Variants in VAV2 observed in about 807,000 individuals in gnomAD.
The protein encoded by VAV2 is guanine nucleotide exchange factor VAV2.
In VAV2, 67 loss-of-function variants were observed where a neutral mutation model predicts 132.5. That is an observed-to-expected ratio of 0.51 (90% confidence interval 0.42 to 0.62). The LOEUF is 0.62. VAV2 is among the 20% of genes least tolerant of loss of function. The probability of loss-of-function intolerance (pLI) is 0.00; values close to 1 mark genes in which losing one functional copy is unlikely to be tolerated. For missense variants in VAV2, 938 were observed against 1,153.6 expected, an observed-to-expected ratio of 0.81 and a Z score of 2.71; for synonymous variants, 492 against 443.5, an observed-to-expected ratio of 1.11 and a Z score of -1.37.
intron 2 of VAV2, among the ~76,000 whole-genome samples, chr9:133,911,423 T>C (rs753220096): frequency 1.5e-4 from 23 of 152,306 alleles, no homozygotes; most frequent in Non-Finnish European, 2.1e-4. Context: ...AGACCTGTAT[T>C]AAATTTACCA....
At chr9:133,814,323 G>C (rs1007038268) in intron 4 of VAV2, among the ~76,000 whole-genome samples, 1 of 152,358 alleles carries the variant, frequency 6.6e-6, no homozygotes, top group East Asian at 1.9e-4. Context: ...CTGCCCGCCA[G>C]GCTACCAGGG....
chr9:133,855,079 G>C (rs1017358505), intron 3 of VAV2, among the ~76,000 whole-genome samples: 1 of 152,220 alleles, frequency 6.6e-6, no homozygotes, highest in Admixed American at 6.5e-5. Context: ...AGCCCGGATG[G>C]AAGAGAGTGG....
At chr9:133,815,083 T>C (rs780608138) in intron 4 of VAV2, among the ~76,000 whole-genome samples, 1 of 151,894 alleles carries the variant, frequency 6.6e-6, no homozygotes. Context: ...AGGGAGAGAA[T>C]AGGGAAGGCT....
In VAV2 at chr9:133,789,361, G is replaced by T. The variant is rs1325082598; in HGVS notation, c.1189-18C>A. The T allele has an allele frequency of 3.1e-6, 5 of 1,613,458 alleles. No homozygotes were observed. Among genetic ancestry groups the T allele is most frequent in the Non-Finnish European group, 4.2e-6 (5 of 1,179,646 alleles). On this transcript the variant is annotated intron_variant, in intron 13 of 29. Coordinates refer to ENST00000371850, the MANE Select transcript of VAV2 (RefSeq NM_001134398.2). ...TTCACTTGCTGGGAAGAAGGAGAGG[G>T]GCCGTCAGCCGGGGCTGGAGCAGCC...
At chr9:133,987,769 C>T (rs2789864) in intron 1 of VAV2, among the ~76,000 whole-genome samples, 86,312 of 152,096 alleles carry the variant, frequency 0.57, 25,142 homozygotes, top group East Asian at 0.84. Flanking sequence ...GCTCCAGACA[C>T]ACCCGATTTC....
intron 1 of VAV2, among the ~76,000 whole-genome samples, chr9:133,955,803 CACTCCT>C (rs915999725): frequency 4.2e-5 from 2 of 47,700 alleles, no homozygotes; most frequent in African/African-American, 1.1e-4. Context: ...ACTCCACTCC[CACTCCT>C]ACTCCTCCCC....
At chr9:133,873,386 C>T (rs912318688) in intron 2 of VAV2, among the ~76,000 whole-genome samples, 2 of 152,154 alleles carry the variant, frequency 1.3e-5, no homozygotes, top group Non-Finnish European at 2.9e-5. Flanking sequence ...TGGCAAAGGG[C>T]GTCCTGCCAC....
intron 7 of VAV2, among the ~76,000 whole-genome samples, chr9:133,808,700 C>A (rs917948574): frequency 6.6e-6 from 1 of 152,096 alleles, no homozygotes; most frequent in Non-Finnish European, 1.5e-5. Flanking sequence ...GGCTGGGGAG[C>A]AGCTCTAGGT....
intron 2 of VAV2, among the ~76,000 whole-genome samples, chr9:133,917,441 C>CTTTTT (rs56141918): frequency 1.5e-5 from 2 of 132,610 alleles, no homozygotes; most frequent in African/African-American, 3.3e-5. Flanking sequence ...AAAACTCTTT[C>CTTTTT]TTTTTTTTTT....
At chr9:133,865,615 CTCT>C (rs1837766646) in intron 2 of VAV2, among the ~76,000 whole-genome samples, 2 of 152,064 alleles carry the variant, frequency 1.3e-5, no homozygotes, top group South Asian at 2.1e-4. Context: ...TCATCATTTT[CTCT>C]TCTTTTCTTT....
rs1280842175 is a variant in VAV2 at position 133,768,116 on chromosome 9, C to T, written c.2589+326G>A. On this transcript the variant is annotated intron_variant, in intron 29 of 29. Coordinates refer to ENST00000371850, the MANE Select transcript of VAV2 (RefSeq NM_001134398.2). This position sits in a 1 kb window ranked among gnomAD's most constrained non-coding sequence, Gnocchi z 5.3. ...CCCGCAAACAGAGCTTGGGGACTTG[C>T]AAGTAATTTGGCGAGTGCAGCTATG... is the stretch of plus-strand genomic sequence containing the variant. Among the ~76,000 whole-genome samples the T allele has an allele frequency of 1.3e-5, 2 of 152,072 alleles. No homozygotes were observed. The highest frequency in any genetic ancestry group is 2.4e-5 in the African/African-American group (1 of 41,362).
chr9:133,805,457 C>T (rs901936376), intron 9 of VAV2, among the ~76,000 whole-genome samples: 30 of 152,288 alleles, frequency 2.0e-4, no homozygotes, highest in African/African-American at 7.2e-4. Flanking sequence ...ACGCCATCTC[C>T]CCAGCCTCTG....
chr9:133,964,030 T>TATATATATATATATATACATATATATAC (rs1842052401), intron 1 of VAV2, among the ~76,000 whole-genome samples: 26 of 80,906 alleles, frequency 3.2e-4, no homozygotes, highest in South Asian at 5.6e-4. Flanking sequence ...TTCATATATA[T>TATATATATATATATATACATATATATAC]ATATATATAT....
chr9:133,789,175 G>T, intron 14 of VAV2, 83 bp downstream of exon 14: 1 of 1,471,580 alleles, frequency 6.8e-7, no homozygotes, highest in Non-Finnish European at 9.3e-7. Context: ...CTGGCTTCCA[G>T]AGCCACTTAG....
At chr9:133,772,189 A>G in intron 25 of VAV2, 143 bp from the exon 26 acceptor site, 1 of 552,450 alleles carries the variant, frequency 1.8e-6, no homozygotes, top group South Asian at 2.4e-5. Context: ...GCCCTGTCCT[A>G]CCCCAGCCCT....
In VAV2 at chr9:133,791,884, G is replaced by A. The variant is rs1347943412; in HGVS notation, c.1102-15C>T. The A allele has an allele frequency of 6.2e-7, 1 of 1,611,456 alleles. No homozygotes were observed. Among genetic ancestry groups the A allele is most frequent in the Admixed American group, 1.7e-5 (1 of 60,028 alleles). ...ATCGCCAAGTCCTTGAAAACAAGAG[G>A]CAGAGGTGAGCGGGCTGTGCTGGGT... On this transcript the variant is annotated splice_polypyrimidine_tract_variant and intron_variant, in intron 12 of 29. Coordinates refer to ENST00000371850, the MANE Select transcript of VAV2 (RefSeq NM_001134398.2).
intron 2 of VAV2, among the ~76,000 whole-genome samples, chr9:133,909,766 A>G: frequency 6.6e-6 from 1 of 152,184 alleles, no homozygotes; most frequent in East Asian, 1.9e-4. Flanking sequence ...CTATTTGGAA[A>G]CTGCGCCTGA....
At chr9:133,772,870 T>C (rs1833679690) in intron 25 of VAV2, among the ~76,000 whole-genome samples, 1 of 151,606 alleles carries the variant, frequency 6.6e-6, no homozygotes, top group Non-Finnish European at 1.5e-5. Context: ...ACACCTAGGC[T>C]GGACAGCAGA....
rs1834299900 is a variant in VAV2, at chr9:133,788,024, GGTTGAAA to G, written c.1407+323_1407+329del. Reference sequence around the variant, plus strand: ...TCAGGCTGGCCAGATGGAAAGCCAAGGTTGAAAGTCCCACCCTCACTAGAGGCCTTGG... The same window carrying G: ...TCAGGCTGGCCAGATGGAAAGCCAAGGTCCCACCCTCACTAGAGGCCTTGG... On this transcript the variant is annotated intron_variant, in intron 15 of 29. Coordinates refer to ENST00000371850, the MANE Select transcript of VAV2 (RefSeq NM_001134398.2). This position sits in a 1 kb window ranked among gnomAD's most constrained non-coding sequence, Gnocchi z 5.3. Among the ~76,000 whole-genome samples, 1 of 152,250 alleles carries G rather than the reference GGTTGAAA, an allele frequency of 6.6e-6. No individual in the cohort carries two copies. Among genetic ancestry groups the G allele is most frequent in the Non-Finnish European group, 1.5e-5 (1 of 68,038 alleles).
Sources: allele counts gnomAD v4.1 joint callset (sites outside exome capture counted in the v4.1 genomes callset), GRCh38; gene constraint gnomAD v4.1.1; non-coding constraint Gnocchi (gnomAD v3.1); transcripts MANE v1.5; gene names NCBI Gene and HGNC (gene_info 2026-07-23, HGNC 2026-07-21).